The following EPB41L5 variants were observed in gnomAD, a reference collection of about 807,000 sequenced individuals.
EPB41L5 encodes erythrocyte membrane protein band 4.1 like 5, also known as band 4.1-like protein 5.
A neutral mutation model predicts 106.6 loss-of-function variants in EPB41L5; 55 were observed. The observed-to-expected ratio is 0.52, with a 90% CI of 0.42 to 0.65. EPB41L5 has a LOEUF of 0.65. EPB41L5 is among the 30% of genes least tolerant of loss of function. The pLI, the probability that EPB41L5 is intolerant of heterozygous loss-of-function variation, is 0.00. For missense variants in EPB41L5, 871 were observed against 882.1 expected, an observed-to-expected ratio of 0.99 and a Z score of 0.16; for synonymous variants, 297 against 306.7, an observed-to-expected ratio of 0.97 and a Z score of 0.33.
chr2:120,104,148 T>A (rs1684313773), intron 16 of EPB41L5: 5 of 1,535,962 alleles, frequency 3.3e-6, no homozygotes, highest in Non-Finnish European at 4.4e-6. Flanking sequence ...ACATAGAAAC[T>A]ACACTGACTT....
intron 24 of EPB41L5, among the ~76,000 whole-genome samples, chr2:120,172,007 CTT>C (rs1687696295): frequency 2.7e-5 from 3 of 111,812 alleles, no homozygotes; most frequent in African/African-American, 6.1e-5. Context: ...TAACAGGAAA[CTT>C]AAAAAAAAAA....
intron 10 of EPB41L5, among the ~76,000 whole-genome samples, chr2:120,086,544 T>G (rs1683067821): frequency 6.6e-6 from 1 of 152,100 alleles, no homozygotes; most frequent in African/African-American, 2.4e-5. Flanking sequence ...TGCGGATCAC[T>G]TGAGCCCAGG....
intron 16 of EPB41L5, among the ~76,000 whole-genome samples, chr2:120,111,331 C>T (rs1236691341): frequency 2.0e-5 from 3 of 152,148 alleles, no homozygotes; most frequent in African/African-American, 7.2e-5. Flanking sequence ...TCTCCTGACC[C>T]CTGCAGTTTT....
intron 3 of EPB41L5, among the ~76,000 whole-genome samples, chr2:120,042,528 T>C (rs1008839127): frequency 6.6e-6 from 1 of 152,192 alleles, no homozygotes. Context: ...TAAGTTCCCT[T>C]TCAGATCTGT....
chr2:120,069,099 G>C (rs1388839484), intron 3 of EPB41L5, among the ~76,000 whole-genome samples: 2 of 122,288 alleles, frequency 1.6e-5, no homozygotes, highest in African/African-American at 6.5e-5. Context: ...TTGCACTCCA[G>C]CCTGGGCAAC....
At position 120,069,044 on chromosome 2, in the gene EPB41L5, C is replaced by G. The variant is rs546382277; in HGVS notation, c.286-4134C>G. Reference sequence around the variant, plus strand: ...TTGGGAGGCTGAGGCAAGAAAATCTCTTGAATCCAGGATGCAGAGACTGAG... The same window carrying G: ...TTGGGAGGCTGAGGCAAGAAAATCTGTTGAATCCAGGATGCAGAGACTGAG... On this transcript the variant is annotated intron_variant, in intron 3 of 24. Transcript: ENST00000263713. Among the ~76,000 whole-genome samples the G allele has an allele frequency of 1.4e-4, 21 of 145,940 alleles. No individual in the cohort carries two copies. The South Asian group carries it at 4.5e-3, about 31-fold the overall frequency.
intron 3 of EPB41L5, among the ~76,000 whole-genome samples, chr2:120,045,278 A>G (rs1679690959): frequency 2.0e-5 from 3 of 152,196 alleles, no homozygotes; most frequent in Non-Finnish European, 4.4e-5. Context: ...TCTTATATAG[A>G]CATATAATCT....
Position 120,176,504 on chromosome 2 carries a change from G to A in EPB41L5, c.*1597G>A, listed in dbSNP as rs748011759. 3 of 152,232 alleles carry A rather than the reference G, an allele frequency of 2.0e-5. No individual in the cohort carries two copies. Among genetic ancestry groups the A allele is most frequent in the Non-Finnish European group, 4.4e-5 (3 of 68,046 alleles). The allele number at this position is 152,232 out of a possible 1,614,324, so 9.4% of individuals were successfully genotyped here. A position where few individuals can be genotyped will look rare whatever the true frequency, so the allele number is the denominator to read the frequency against. ...ATCTTGCACTGTTTCCCAGGGAGCTGTAGTGATTGGAACCCACGTTTGCAC... is the reference window on the plus strand; with the variant it reads ...ATCTTGCACTGTTTCCCAGGGAGCTATAGTGATTGGAACCCACGTTTGCAC... On this transcript the variant is annotated 3_prime_UTR_variant, in exon 25 of 25. Coordinates refer to ENST00000263713, the MANE Select transcript of EPB41L5 (RefSeq NM_020909.4).
At chr2:120,065,208 G>A (rs891184342) in intron 3 of EPB41L5, among the ~76,000 whole-genome samples, 1 of 151,986 alleles carries the variant, frequency 6.6e-6, no homozygotes, top group Admixed American at 6.6e-5. Context: ...CAAACTACTG[G>A]ACTCAAGCAG....
chr2:120,153,359 T>C (rs1360655220), intron 20 of EPB41L5, among the ~76,000 whole-genome samples: 2 of 152,186 alleles, frequency 1.3e-5, no homozygotes, highest in Admixed American at 1.3e-4. Context: ...GGTATGACTT[T>C]AGTCTCTTTA....
At chr2:120,052,848 A>T (rs1420009996) in intron 3 of EPB41L5, among the ~76,000 whole-genome samples, 1 of 152,244 alleles carries the variant, frequency 6.6e-6, no homozygotes, top group African/African-American at 2.4e-5. Context: ...TGAATACCAT[A>T]ACTTCAACAC....
chr2:120,014,673 A>C (rs181966140), intron 1 of EPB41L5, among the ~76,000 whole-genome samples: 2 of 152,134 alleles, frequency 1.3e-5, no homozygotes, highest in African/African-American at 4.8e-5. Context: ...AGAGAGGTCA[A>C]CTGGAAAAAG....
intron 3 of EPB41L5, among the ~76,000 whole-genome samples, chr2:120,071,637 CATCTT>C (rs2105313940): frequency 6.6e-6 from 1 of 152,288 alleles, no homozygotes; most frequent in Non-Finnish European, 1.5e-5. Context: ...CATCCACAAC[CATCTT>C]ATCTTTGATA....
intron 3 of EPB41L5, among the ~76,000 whole-genome samples, chr2:120,057,448 A>T (rs1439427596): frequency 6.6e-6 from 1 of 152,210 alleles, no homozygotes; most frequent in Non-Finnish European, 1.5e-5. Flanking sequence ...ATGCACATAC[A>T]CATAACGTTT....
In EPB41L5 at chr2:120,013,093, AGC is replaced by A. The variant is rs1177678257; in HGVS notation, c.-125_-124del. On this transcript the variant is annotated 5_prime_UTR_variant, in exon 1 of 25. Coordinates refer to ENST00000263713, the MANE Select transcript of EPB41L5 (RefSeq NM_020909.4). ...GAGGTCGGGGTCCTCCGGGGATTAG[AGC>A]CGGTGGGCTCGTTGTGGGCGCCATT... 6.6e-6 allele frequency: 1 copy of A among 152,034 alleles called. No homozygotes were observed. The highest frequency in any genetic ancestry group is 1.5e-5 in the Non-Finnish European group (1 of 68,028). The allele number at this position is 152,034 out of a possible 1,614,324, so 9.4% of individuals were successfully genotyped here.
intron 24 of EPB41L5, among the ~76,000 whole-genome samples, chr2:120,169,935 G>T (rs867488864): frequency 6.6e-6 from 1 of 152,180 alleles, no homozygotes; most frequent in African/African-American, 2.4e-5. Flanking sequence ...TGGGGCAACT[G>T]AAACTCTGTA....
At chr2:120,034,882 A>C (rs1463474757) in intron 2 of EPB41L5, among the ~76,000 whole-genome samples, 1 of 152,142 alleles carries the variant, frequency 6.6e-6, no homozygotes, top group Admixed American at 6.5e-5. Context: ...CAGTCAGTCA[A>C]ACTGTTAGCA....
intron 3 of EPB41L5, among the ~76,000 whole-genome samples, chr2:120,070,711 A>G (rs1160478294): frequency 1.2e-4 from 18 of 152,250 alleles, no homozygotes; most frequent in Admixed American, 1.0e-3. Context: ...GTAATCCATC[A>G]GCTAAACAGA....
At chr2:120,146,945 C>T (rs1686432423) in intron 20 of EPB41L5, among the ~76,000 whole-genome samples, 1 of 152,178 alleles carries the variant, frequency 6.6e-6, no homozygotes, top group African/African-American at 2.4e-5. Context: ...CAACATGGCA[C>T]CACACATAGT....
Sources: allele counts gnomAD v4.1 joint callset (sites outside exome capture counted in the v4.1 genomes callset), GRCh38; gene constraint gnomAD v4.1.1; transcripts MANE v1.5; gene names NCBI Gene and HGNC (gene_info 2026-07-23, HGNC 2026-07-21).